The following DTWD2 variants were observed in gnomAD, a reference collection of about 807,000 sequenced individuals.
DTWD2 encodes DTW motif tRNA-uridine aminocarboxypropyltransferase 2.
In DTWD2, 39 loss-of-function variants were observed where a neutral mutation model predicts 31.8. The observed-to-expected ratio is 1.22, with a 90% CI of 0.95 to 1.60. DTWD2 has a LOEUF of 1.60. Among genes scored for constraint, DTWD2 ranks in the 40% most tolerant of loss-of-function variants. DTWD2 has a pLI of 0.00. For synonymous variants in DTWD2, 180 were observed against 142.8 expected (o/e 1.26, Z -1.86); for missense variants, 515 against 381.5 (o/e 1.35, Z -2.92).
At chr5:118,987,073 A>G (rs1390955740) in intron 1 of DTWD2, among the ~76,000 whole-genome samples, 7 of 152,184 alleles carry the variant, frequency 4.6e-5, no homozygotes, top group Non-Finnish European at 1.0e-4. Context: ...CAGACTAAAA[A>G]CTAAATAAAA....
At chr5:118,942,021 G>A (rs1306959919) in intron 2 of DTWD2, among the ~76,000 whole-genome samples, 1 of 152,036 alleles carries the variant, frequency 6.6e-6, no homozygotes. Flanking sequence ...CTTTTTGATG[G>A]GGTTCTTTGT....
rs537220876 is a variant in DTWD2 at position 118,885,325 on chromosome 5, C to T, written c.598-37107G>A. On this transcript the variant is annotated intron_variant, in intron 4 of 5. Transcript: ENST00000510708. ...AAAATTAGCTGGGTGTGGTGGCGGG[C>T]ACCTGCAGTCCCAGCTATCAGGAGG... Among the ~76,000 whole-genome samples the T allele has an allele frequency of 1.1e-4, 16 of 151,582 alleles. No homozygotes were observed. The South Asian group carries it at 1.7e-3, about 16-fold the overall frequency.
intron 4 of DTWD2, among the ~76,000 whole-genome samples, chr5:118,925,903 TA>T (rs1753798419): frequency 1.3e-5 from 2 of 151,056 alleles, no homozygotes; most frequent in South Asian, 4.2e-4. Context: ...CACTACTGGG[TA>T]TTTACCCAAA....
chr5:118,850,900 C>A (rs569070953), intron 4 of DTWD2, among the ~76,000 whole-genome samples: 3 of 152,136 alleles, frequency 2.0e-5, no homozygotes, highest in African/African-American at 7.2e-5. Flanking sequence ...ATGTGGCCAA[C>A]AAGCAGATGA....
At chr5:118,845,014 G>GT (rs1231657726) in intron 5 of DTWD2, among the ~76,000 whole-genome samples, 1 of 152,126 alleles carries the variant, frequency 6.6e-6, no homozygotes, top group Admixed American at 6.6e-5. Context: ...GGGCATGGTG[G>GT]TATGCACCTG....
chr5:118,967,738 T>C (rs1447816035), intron 1 of DTWD2, among the ~76,000 whole-genome samples: 1 of 152,162 alleles, frequency 6.6e-6, no homozygotes, highest in Non-Finnish European at 1.5e-5. Flanking sequence ...AGCTCTTCCA[T>C]ATAGAAACAT....
At chr5:118,897,680 G>T (rs1753112632) in intron 4 of DTWD2, among the ~76,000 whole-genome samples, 1 of 152,054 alleles carries the variant, frequency 6.6e-6, no homozygotes, top group African/African-American at 2.4e-5. Context: ...AAACAATACA[G>T]ACCATACAAA....
chr5:118,873,052 T>C (rs1752541612), intron 4 of DTWD2, among the ~76,000 whole-genome samples: 1 of 152,048 alleles, frequency 6.6e-6, no homozygotes, highest in African/African-American at 2.4e-5. Context: ...GGGAAGCAGG[T>C]GAGGTGAAAA....
At chr5:118,938,576 C>G (rs2149583655) in intron 3 of DTWD2, among the ~76,000 whole-genome samples, 1 of 152,046 alleles carries the variant, frequency 6.6e-6, no homozygotes, top group African/African-American at 2.4e-5. Context: ...TGGCCAGGCC[C>G]AGTGGCTCAT....
chr5:118,865,046 G>C (rs1286257423), intron 4 of DTWD2, among the ~76,000 whole-genome samples: 1 of 151,960 alleles, frequency 6.6e-6, no homozygotes, highest in East Asian at 1.9e-4. Context: ...CACACACAGA[G>C]CATATAATGT....
intron 2 of DTWD2, among the ~76,000 whole-genome samples, chr5:118,944,350 T>A (rs1019950273): frequency 6.6e-6 from 1 of 152,232 alleles, no homozygotes; most frequent in African/African-American, 2.4e-5. Context: ...TAACATAGAT[T>A]TTGTGAAATG....
At chr5:118,853,758 A>C (rs1174170374) in intron 4 of DTWD2, among the ~76,000 whole-genome samples, 1 of 152,190 alleles carries the variant, frequency 6.6e-6, no homozygotes, top group African/African-American at 2.4e-5. Flanking sequence ...CAAGGATTGA[A>C]AAACTACGTA....
chr5:118,869,762 T>C (rs937647803), intron 4 of DTWD2, among the ~76,000 whole-genome samples: 132 of 152,308 alleles, frequency 8.7e-4, no homozygotes, highest in African/African-American at 3.1e-3. Context: ...TAAATATAAA[T>C]ACTCTTCAAC....
intron 4 of DTWD2, among the ~76,000 whole-genome samples, chr5:118,927,165 T>C (rs1039849162): frequency 2.0e-5 from 3 of 151,974 alleles, no homozygotes; most frequent in Non-Finnish European, 4.4e-5. Context: ...AATCCCATCA[T>C]GAGGGCTCTG....
At chr5:118,875,918 CA>C (rs1752611884) in intron 4 of DTWD2, among the ~76,000 whole-genome samples, 2 of 152,324 alleles carry the variant, frequency 1.3e-5, no homozygotes, top group South Asian at 2.1e-4. Context: ...TTCTTCGCCA[CA>C]TAACACATAC....
chr5:118,960,671 T>C (rs917049540), intron 1 of DTWD2, among the ~76,000 whole-genome samples: 1 of 152,104 alleles, frequency 6.6e-6, no homozygotes, highest in Admixed American at 6.6e-5. Flanking sequence ...AGACATGTAA[T>C]TAACCTAAAT....
chr5:118,962,065 C>T (rs577553721), intron 1 of DTWD2, among the ~76,000 whole-genome samples: 17 of 152,050 alleles, frequency 1.1e-4, no homozygotes, highest in African/African-American at 4.1e-4. Flanking sequence ...ATGGAGAAAC[C>T]CCATCTCTAC....
chr5:118,923,034 CT>C (rs35932906), intron 4 of DTWD2, among the ~76,000 whole-genome samples: 113 of 147,962 alleles, frequency 7.6e-4, no homozygotes, highest in Admixed American at 4.5e-3. Flanking sequence ...ATTCAATAAG[CT>C]TTTTTTTTTA....
At chr5:118,890,562 C>CTT (rs973397760) in intron 4 of DTWD2, among the ~76,000 whole-genome samples, 1,213 of 71,324 alleles carry the variant, frequency 0.017, 128 homozygotes, top group South Asian at 0.056. Context: ...TTAGGTTTTC[C>CTT]TTTTTTTTTT....
Sources: allele counts gnomAD v4.1 joint callset (sites outside exome capture counted in the v4.1 genomes callset), GRCh38; gene constraint gnomAD v4.1.1; transcripts MANE v1.5; gene names NCBI Gene and HGNC (gene_info 2026-07-23, HGNC 2026-07-21).